Variants in RIMS4 observed in about 807,000 individuals in gnomAD.
RIMS4 encodes regulating synaptic membrane exocytosis protein 4.
A neutral mutation model predicts 29.0 loss-of-function variants in RIMS4; 9 were observed. That is an observed-to-expected ratio of 0.31 (90% CI 0.19 to 0.54). The LOEUF is 0.54. Among genes scored for constraint, RIMS4 ranks in the 20% least tolerant of loss-of-function variants. The pLI, the probability that RIMS4 is intolerant of heterozygous loss-of-function variation, is 0.94. For missense variants in RIMS4, 193 were observed against 365.7 expected (o/e 0.53, Z 3.85); for synonymous variants, 130 against 152.9 (o/e 0.85, Z 1.10).
chr20:44,794,563 G>T (rs1248297757), intron 1 of RIMS4, among the ~76,000 whole-genome samples: 1 of 152,172 alleles, frequency 6.6e-6, no homozygotes, highest in Non-Finnish European at 1.5e-5. Context: ...TTTAAATTTG[G>T]TTCTTATTCA....
rs1021681001 is a variant in RIMS4, at chr20:44,754,838, G to A, written c.*1296C>T. On this transcript the variant is annotated 3_prime_UTR_variant, in exon 6 of 6. Transcript: ENST00000372851. ...ACTACGCCCTACACAGCAGGGACTA[G>A]GTAAAGAGTGGCAGGCTTCTGGGTG... The A allele has an allele frequency of 1.3e-5, 2 of 152,666 alleles. No individual in the cohort carries two copies. Among genetic ancestry groups the A allele is most frequent in the Non-Finnish European group, 2.9e-5 (2 of 68,078 alleles). The allele number at this position is 152,666 out of a possible 1,614,324, so 9.5% of individuals were successfully genotyped here.
At chr20:44,806,138 G>A (rs1222842552) in intron 1 of RIMS4, among the ~76,000 whole-genome samples, 6 of 152,144 alleles carry the variant, frequency 3.9e-5, no homozygotes, top group African/African-American at 7.2e-5. Context: ...CCCTGCGCTG[G>A]ATCGAAGCTT....
chr20:44,796,396 G>A (rs1160618165), intron 1 of RIMS4, among the ~76,000 whole-genome samples: 1 of 152,160 alleles, frequency 6.6e-6, no homozygotes, highest in Non-Finnish European at 1.5e-5. Context: ...AACTACTGGA[G>A]AAGAAAGAAG....
At chr20:44,792,602 A>G (rs1248144577) in intron 1 of RIMS4, among the ~76,000 whole-genome samples, 1 of 152,098 alleles carries the variant, frequency 6.6e-6, no homozygotes, top group Non-Finnish European at 1.5e-5. Context: ...TGAACTTACT[A>G]TTGAATGGCC....
intron 1 of RIMS4, among the ~76,000 whole-genome samples, chr20:44,808,963 C>T (rs1248344992): frequency 6.6e-6 from 1 of 152,160 alleles, no homozygotes; most frequent in African/African-American, 2.4e-5. Flanking sequence ...TTGAAAGTGC[C>T]CATGAAACCA....
chr20:44,757,178 T>TG lies in RIMS4; in HGVS notation c.452-142dup, dbSNP rs1313898750. ...TCTGGGGAGGACGCACCAGGACACA[T>TG]GGGGGGTGGGCATTTGGGGGCAGCA... On this transcript the variant is annotated intron_variant, in intron 4 of 5. Coordinates refer to ENST00000372851, the MANE Select transcript of RIMS4 (RefSeq NM_182970.4). 11 of 899,704 alleles carry TG rather than the reference T, an allele frequency of 1.2e-5. No homozygotes were observed. The African/African-American group carries it at 1.3e-4, about 11-fold the overall frequency. The allele number at this position is 899,704 out of a possible 1,614,324, so 55.7% of individuals were successfully genotyped here. A position where few individuals can be genotyped will look rare whatever the true frequency, so the allele number is the denominator to read the frequency against.
intron 1 of RIMS4, among the ~76,000 whole-genome samples, chr20:44,795,489 A>G (rs1454930180): frequency 6.6e-6 from 1 of 152,172 alleles, no homozygotes; most frequent in Non-Finnish European, 1.5e-5. Flanking sequence ...AAAATTAGCC[A>G]GGTGTGATGG....
At chr20:44,799,857 A>G (rs1478368341) in intron 1 of RIMS4, among the ~76,000 whole-genome samples, 2 of 152,234 alleles carry the variant, frequency 1.3e-5, no homozygotes, top group Non-Finnish European at 2.9e-5. Flanking sequence ...GCCACAGTAG[A>G]TGACCTCAGA....
intron 1 of RIMS4, among the ~76,000 whole-genome samples, chr20:44,799,996 C>T (rs371000461): frequency 6.6e-6 from 1 of 152,126 alleles, no homozygotes. Flanking sequence ...TATGATAAGC[C>T]CGTTTTGCGA....
intron 1 of RIMS4, among the ~76,000 whole-genome samples, chr20:44,794,679 G>T (rs549358935): frequency 6.6e-6 from 1 of 152,174 alleles, no homozygotes. Context: ...CCTTCAAACC[G>T]GCACTTCCCA....
intron 1 of RIMS4, 28 bp downstream of exon 1, chr20:44,810,147 G>A (rs1486673945): frequency 1.6e-5 from 23 of 1,481,980 alleles, no homozygotes; most frequent in Non-Finnish European, 2.0e-5. Flanking sequence ...GACACCCCGG[G>A]GGTCTGGGGG....
intron 2 of RIMS4, among the ~76,000 whole-genome samples, chr20:44,767,899 G>A (rs368019220): frequency 6.6e-6 from 1 of 152,206 alleles, no homozygotes; most frequent in Non-Finnish European, 1.5e-5. Flanking sequence ...AACCAGCTGG[G>A]GGTCTCATTA....
intron 1 of RIMS4, among the ~76,000 whole-genome samples, chr20:44,786,667 C>A (rs960177232): frequency 1.4e-4 from 21 of 152,290 alleles, no homozygotes; most frequent in African/African-American, 4.6e-4. Context: ...CATGGTCACC[C>A]CATGTGCCTG....
intron 1 of RIMS4, among the ~76,000 whole-genome samples, chr20:44,795,108 T>C (rs538129634): frequency 1.6e-4 from 24 of 152,206 alleles, no homozygotes; most frequent in Non-Finnish European, 2.8e-4. Flanking sequence ...TCAGGGCCCC[T>C]GCACAACTGC....
chr20:44,780,320 A>G (rs748133946), intron 1 of RIMS4, among the ~76,000 whole-genome samples: 2 of 152,216 alleles, frequency 1.3e-5, no homozygotes, highest in African/African-American at 2.4e-5. Flanking sequence ...GATTAAGTCC[A>G]CAGCAAAGAA....
chr20:44,756,875 G>A lies in RIMS4; in HGVS notation c.591+23C>T, dbSNP rs372191026. ...TGTGTGCTCGTGCACACACACACAC[G>A]TGAGCGCGTCAATGCCCCTCACCTG... On this transcript the variant is annotated intron_variant, in intron 5 of 5. Transcript: ENST00000372851. This position sits in a 1 kb window ranked among gnomAD's most constrained non-coding sequence, Gnocchi z 5.9. The A allele has an allele frequency of 8.7e-6, 14 of 1,611,180 alleles. No individual in the cohort carries two copies. The highest frequency in any genetic ancestry group is 1.7e-5 in the Admixed American group (1 of 59,914).
At chr20:44,802,155 T>A (rs2066279931) in intron 1 of RIMS4, among the ~76,000 whole-genome samples, 1 of 152,186 alleles carries the variant, frequency 6.6e-6, no homozygotes, top group African/African-American at 2.4e-5. Context: ...CAACAGCCAC[T>A]GTGACAACTG....
intron 1 of RIMS4, among the ~76,000 whole-genome samples, chr20:44,774,248 A>T (rs2066149994): frequency 6.6e-6 from 1 of 151,824 alleles, no homozygotes; most frequent in African/African-American, 2.4e-5. Flanking sequence ...GCTCTTCCTC[A>T]CTTCCAAATG....
chr20:44,753,902 C>T lies in RIMS4; in HGVS notation c.*2232G>A, dbSNP rs188407189. On this transcript the variant is annotated 3_prime_UTR_variant, in exon 6 of 6. Coordinates refer to ENST00000372851, the MANE Select transcript of RIMS4 (RefSeq NM_182970.4). ...GTTATTGCTTCGGAGCTCTCTCTCT[C>T]TTTATAAAGGCTGTGCAGACACCAG... The T allele has an allele frequency of 2.7e-4, 42 of 152,746 alleles. No individual in the cohort carries two copies. The highest frequency in any genetic ancestry group is 9.6e-4 in the African/African-American group (40 of 41,566). The allele number at this position is 152,746 out of a possible 1,614,324, so 9.5% of individuals were successfully genotyped here. A position where few individuals can be genotyped will look rare whatever the true frequency, so the allele number is the denominator to read the frequency against.
Sources: gnomAD v4.1 joint callset for allele counts (sites outside exome capture counted in the v4.1 genomes callset) on GRCh38, gnomAD v4.1.1 for gene constraint, Gnocchi (gnomAD v3.1) non-coding constraint, MANE v1.5 for transcripts, NCBI Gene and HGNC (gene_info 2026-07-23, HGNC 2026-07-21) for gene names.